WDR48: variants seen among roughly 807,000 people sequenced by gnomAD.
The protein encoded by WDR48 is WD repeat domain 48.
Under a neutral mutation model 94.0 loss-of-function variants are expected in WDR48, and 22 were observed. That is an observed-to-expected ratio of 0.23 (90% CI 0.17 to 0.33). WDR48 has a LOEUF of 0.33. Among genes scored for constraint, WDR48 ranks in the 10% least tolerant of loss-of-function variants. The pLI, the probability that WDR48 is intolerant of heterozygous loss-of-function variation, is 1.00. For synonymous variants in WDR48, 278 were observed against 280.5 expected (o/e 0.99, Z 0.09); for missense variants, 541 against 813.8 (o/e 0.66, Z 4.08).
chr3:39,074,131 A>G (rs1308207382), intron 7 of WDR48, among the ~76,000 whole-genome samples: 1 of 152,212 alleles, frequency 6.6e-6, no homozygotes, highest in South Asian at 2.1e-4. Context: ...GGCCTAGTGC[A>G]TACAGCTACC....
intron 8 of WDR48, among the ~76,000 whole-genome samples, 172 bp from the exon 9 acceptor site, chr3:39,076,967 A>G (rs2034258738): frequency 6.6e-6 from 1 of 152,244 alleles, no homozygotes; most frequent in Non-Finnish European, 1.5e-5. Context: ...GAATTTATTT[A>G]GCAAAGAAAA....
intron 8 of WDR48, among the ~76,000 whole-genome samples, chr3:39,075,461 C>T (rs1022232744): frequency 6.6e-6 from 1 of 152,024 alleles, no homozygotes; most frequent in African/African-American, 2.4e-5. Context: ...GAGTACTCTC[C>T]TGAAAGAAGA....
At chr3:39,077,922 A>C in intron 9 of WDR48, 1 of 444,826 alleles carries the variant, frequency 2.2e-6, no homozygotes, top group Non-Finnish European at 4.0e-6. Flanking sequence ...TTTCATGCAT[A>C]GTTTTCTCTC....
intron 14 of WDR48, among the ~76,000 whole-genome samples, chr3:39,087,201 C>T (rs1182609294): frequency 6.6e-6 from 1 of 152,174 alleles, no homozygotes; most frequent in Admixed American, 6.5e-5. Flanking sequence ...TGAATTGGCA[C>T]TTGAGTTGGT....
intron 10 of WDR48, among the ~76,000 whole-genome samples, chr3:39,078,642 C>T (rs1031527387): frequency 3.9e-5 from 6 of 151,986 alleles, no homozygotes; most frequent in African/African-American, 1.4e-4. Context: ...TGGTCTCAAA[C>T]TCCTGACCTC....
At chr3:39,076,165 A>G (rs1276939599) in intron 8 of WDR48, among the ~76,000 whole-genome samples, 1 of 152,214 alleles carries the variant, frequency 6.6e-6, no homozygotes, top group Non-Finnish European at 1.5e-5. Context: ...GAAAAGAGGA[A>G]TGGAGGTCAA....
chr3:39,093,908 C>T lies in WDR48; in HGVS notation c.1780C>T (p.Arg594Ter), dbSNP rs988772523. The T allele has an allele frequency of 6.2e-7, 1 of 1,611,152 alleles. No individual in the cohort carries two copies. Among genetic ancestry groups the T allele is most frequent in the Non-Finnish European group, 8.5e-7 (1 of 1,178,902 alleles). Residue 594 changes from arginine to a stop codon, truncating the protein, a stop_gained, in exon 18 of 19, where the codon CGA becomes TGA. Coordinates refer to ENST00000302313, the MANE Select transcript of WDR48 (RefSeq NM_020839.4). LOFTEE classifies it high-confidence loss of function. ...CTCTGCTAGTGACATGCTCCAAGTC[C>T]GAAAAGTTATGGAACATGTTTATGA... Reference protein sequence around the residue: ...RLSASDMLQVRKVMEHVYEKI... With the variant: ...RLSASDMLQV
chr3:39,093,926 G>A lies in WDR48; in HGVS notation c.1798G>A (p.Val600Ile). 1 of 1,613,602 alleles carries A rather than the reference G, an allele frequency of 6.2e-7. No homozygotes were observed. Among genetic ancestry groups the A allele is most frequent in the East Asian group, 2.2e-5 (1 of 44,870 alleles). ...MLQVRKVMEH[V>I]YEKIINLDNE... Reference sequence around the variant, plus strand: ...CCAAGTCCGAAAAGTTATGGAACATGTTTATGAAAAAATTATCAACTTGGA... The same window carrying A: ...CCAAGTCCGAAAAGTTATGGAACATATTTATGAAAAAATTATCAACTTGGA... The change falls in exon 18 of 19, where the codon GTT becomes ATT. Residue 600 changes from valine (V) to isoleucine (I), a missense_variant. By Grantham distance (29) the Val-to-Ile change is conservative. Transcript: ENST00000302313.
intron 10 of WDR48, 132 bp downstream of exon 10, chr3:39,078,371 T>C: frequency 1.5e-6 from 1 of 680,380 alleles, no homozygotes; most frequent in Non-Finnish European, 2.5e-6. Flanking sequence ...ATTGGTTTAT[T>C]TTTAATATAA....
chr3:39,087,799 A>C (rs1046052394), intron 14 of WDR48: 2 of 172,728 alleles, frequency 1.2e-5, no homozygotes, highest in African/African-American at 2.4e-5. Flanking sequence ...AAACAAAAAA[A>C]CTCTAGATCT....
At chr3:39,063,643 C>T (rs1208169803) in intron 2 of WDR48, among the ~76,000 whole-genome samples, 1 of 152,164 alleles carries the variant, frequency 6.6e-6, no homozygotes, top group East Asian at 1.9e-4. Flanking sequence ...CACGGCCTAA[C>T]TAGGTAATAC....
intron 7 of WDR48, among the ~76,000 whole-genome samples, chr3:39,070,861 T>A (rs1022787454): frequency 1.3e-5 from 2 of 151,430 alleles, no homozygotes; most frequent in African/African-American, 4.9e-5. Context: ...GTCCCCAGAG[T>A]GTGATGTTCC....
chr3:39,066,926 TAAA>T (rs2033642949), intron 5 of WDR48, 51 bp downstream of exon 5: 1 of 1,582,950 alleles, frequency 6.3e-7, no homozygotes, highest in Non-Finnish European at 8.6e-7. Context: ...TTAACATAAA[TAAA>T]GAATGGTTTA....
chr3:39,070,287 T>C (rs1040811691), intron 7 of WDR48, among the ~76,000 whole-genome samples: 2 of 152,254 alleles, frequency 1.3e-5, no homozygotes, highest in African/African-American at 4.8e-5. Context: ...GAAAATACTT[T>C]TTCATCAATG....
intron 9 of WDR48, 110 bp downstream of exon 9, chr3:39,077,323 TGG>T (rs2034283478): frequency 8.6e-7 from 1 of 1,164,162 alleles, no homozygotes; most frequent in East Asian, 2.4e-5. Flanking sequence ...AGCATGCTTT[TGG>T]GCAGGGGCAA....
chr3:39,052,033 C>G lies in WDR48; in HGVS notation c.8C>G (p.Ala3Gly), dbSNP rs1262613942. 22 of 1,613,784 alleles carry G rather than the reference C, an allele frequency of 1.4e-5. No homozygotes were observed. Among genetic ancestry groups the G allele is most frequent in the Non-Finnish European group, 1.8e-5 (21 of 1,179,966 alleles). The change falls in exon 1 of 19, where the codon GCC becomes GGC. Residue 3 changes from alanine to glycine, a missense_variant. Ala to Gly is a moderately conservative substitution (Grantham distance 60). This residue lies in a region of WDR48 where 90 missense variants were observed against 122.3 expected (regional missense o/e 0.74). Transcript: ENST00000302313. Reference sequence around the variant, plus strand: ...GGAGTGTCAACATGCAAGATGGCGGCCCATCACCGGCAGAACACAGCAGGG... The same window carrying G: ...GGAGTGTCAACATGCAAGATGGCGGGCCATCACCGGCAGAACACAGCAGGG... MAAHHRQNTAGRR... is the reference protein window; with the variant it reads MAGHHRQNTAGRR...
chr3:39,074,611 C>A, intron 7 of WDR48, 115 bp from the exon 8 acceptor site: 1 of 1,031,778 alleles, frequency 9.7e-7, no homozygotes. Context: ...GAGGCAGAAA[C>A]ACAGGTTAAT....
intron 7 of WDR48, 124 bp from the exon 8 acceptor site, chr3:39,074,602 A>ATC: frequency 1.0e-6 from 1 of 954,154 alleles, no homozygotes; most frequent in Non-Finnish European, 1.6e-6. Context: ...CCTTTATCAG[A>ATC]GGCAGAAACA....
At position 39,089,374 on chromosome 3, in the gene WDR48, A is replaced by C. The variant is rs574012967; in HGVS notation, c.1668+56A>C. ...TTATTTTTTTGTAACTCATGAAATT[A>C]AGAACTGCTTTAGACATTATAATTT... is the stretch of plus-strand genomic sequence containing the variant. On this transcript the variant is annotated intron_variant, in intron 16 of 18. Coordinates refer to ENST00000302313, the MANE Select transcript of WDR48 (RefSeq NM_020839.4). 5.2e-4 allele frequency: 781 copies of C among 1,507,814 alleles called. 7 individuals are homozygous for C. The South Asian group carries it at 8.5e-3, about 16-fold the overall frequency. 93.4% of individuals were successfully genotyped at this position (1,507,814 alleles called of 1,614,324 possible).
Sources: allele counts gnomAD v4.1 joint callset (sites outside exome capture counted in the v4.1 genomes callset), GRCh38; gene constraint gnomAD v4.1.1; regional missense constraint gnomAD v4.1.1; transcripts MANE v1.5; gene names NCBI Gene and HGNC (gene_info 2026-07-23, HGNC 2026-07-21).